The following RBPJ variants were observed in gnomAD, a reference collection of about 807,000 sequenced individuals.
RBPJ encodes the protein recombining binding protein suppressor of hairless.
A neutral mutation model predicts 67.8 loss-of-function variants in RBPJ; 9 were observed. The observed-to-expected ratio is 0.13, with a 90% confidence interval of 0.08 to 0.23. The LOEUF (loss-of-function observed/expected upper bound fraction) is 0.23. Ranked by LOEUF, RBPJ falls within the 10% of genes least tolerant of loss-of-function variation. The pLI, the probability that RBPJ is intolerant of heterozygous loss-of-function variation, is 1.00. For synonymous variants in RBPJ, 198 were observed against 203.3 expected (o/e 0.97, Z 0.22); for missense variants, 305 against 595.6 (o/e 0.51, Z 5.08).
chr4:26,247,422 T>C (rs1217830173), intron 1 of RBPJ, among the ~76,000 whole-genome samples: 1 of 151,928 alleles, frequency 6.6e-6, no homozygotes, highest in Non-Finnish European at 1.5e-5. Flanking sequence ...TTTTTTTGGG[T>C]GGAGGGGGAC....
chr4:26,352,957 T>C (rs1241755861), intron 1 of RBPJ, among the ~76,000 whole-genome samples: 3 of 152,220 alleles, frequency 2.0e-5, no homozygotes, highest in Non-Finnish European at 2.9e-5. Flanking sequence ...TTCCAGCTTC[T>C]TATGTACCGG....
chr4:26,215,298 AAGAG>A (rs1218028744), intron 1 of RBPJ, among the ~76,000 whole-genome samples: 5 of 123,228 alleles, frequency 4.1e-5, no homozygotes, highest in Admixed American at 1.6e-4. Flanking sequence ...GAAAGAGAAA[AAGAG>A]AGAGAAAAGA....
rs148552150 is a variant in RBPJ at position 26,204,509 on chromosome 4, G to A, written c.-167+40895G>A. On this transcript the variant is annotated intron_variant, in intron 1 of 4. Transcript: ENST00000512351. ...GCAGTTACACAATGTGCTTATGAGC[G>A]TGGGTGGCCCTTCTAGCCATCCGCT... 4.1e-4 allele frequency among the ~76,000 whole-genome samples: 62 copies of A among 152,320 alleles called. No individual in the cohort carries two copies. In the East Asian group the frequency reaches 9.5e-3, roughly 23 times the overall value.
At chr4:26,429,096 A>T (rs570084921) in intron 8 of RBPJ, among the ~76,000 whole-genome samples, 1 of 152,328 alleles carries the variant, frequency 6.6e-6, no homozygotes, top group South Asian at 2.1e-4. Context: ...GTTAACATCT[A>T]GTTCCAGGGT....
the RBPJ span, among the ~76,000 whole-genome samples, chr4:26,119,597 C>T: frequency 2.6e-5 from 4 of 152,208 alleles, no homozygotes; most frequent in Admixed American, 6.5e-5. Context: ...TCCTTTCTAT[C>T]CACATTCTAC....
rs71276617 is a variant in RBPJ at position 26,305,771 on chromosome 4, C to CTTTT, written c.-166-56655_-166-56652dup. Among the ~76,000 whole-genome samples the CTTTT allele has an allele frequency of 1.4e-3, 95 of 67,784 alleles. 1 individual carries two copies. Among genetic ancestry groups the CTTTT allele is most frequent in the East Asian group, 1.8e-3 (3 of 1,646 alleles). 44.5% of individuals were successfully genotyped at this position (67,784 alleles called of 152,430 possible). ...AGTGGAGTTCTTAGAATTTTCTTTT[C>CTTTT]TTTTTTTTTTTTTTTTTTTTTTTCT... On this transcript the variant is annotated intron_variant, in intron 1 of 4. Transcript: ENST00000512351.
chr4:26,334,035 T>C (rs1237810588), intron 1 of RBPJ, among the ~76,000 whole-genome samples: 1 of 151,702 alleles, frequency 6.6e-6, no homozygotes, highest in Non-Finnish European at 1.5e-5. Flanking sequence ...TAATCCAACT[T>C]TTCTGCCTTT....
chr4:26,327,319 G>A (rs1224322690), intron 1 of RBPJ, among the ~76,000 whole-genome samples: 1 of 152,172 alleles, frequency 6.6e-6, no homozygotes, highest in African/African-American at 2.4e-5. Context: ...GTGTAATTTT[G>A]TTGTGTTGAG....
At chr4:26,258,525 G>A (rs1352425353) in intron 1 of RBPJ, among the ~76,000 whole-genome samples, 1 of 152,048 alleles carries the variant, frequency 6.6e-6, no homozygotes, top group Non-Finnish European at 1.5e-5. Context: ...AACACCTCTG[G>A]GTTCATTAGC....
intron 1 of RBPJ, among the ~76,000 whole-genome samples, chr4:26,210,036 G>A (rs1718330284): frequency 6.6e-6 from 1 of 152,108 alleles, no homozygotes; most frequent in Admixed American, 6.6e-5. Flanking sequence ...AGGACCCACT[G>A]TAGAGTTTTA....
At chr4:26,140,094 A>G in the RBPJ span, among the ~76,000 whole-genome samples, 1 of 152,166 alleles carries the variant, frequency 6.6e-6, no homozygotes, top group Non-Finnish European at 1.5e-5. Flanking sequence ...AAAAAATTAG[A>G]GATAGTGGTG....
At chr4:26,397,281 G>A (rs1027252636) in intron 2 of RBPJ, among the ~76,000 whole-genome samples, 7 of 152,278 alleles carry the variant, frequency 4.6e-5, no homozygotes, top group Non-Finnish European at 5.9e-5. Context: ...GACAAAAATA[G>A]GGCAGTTCTT....
chr4:26,134,198 G>A, the RBPJ span, among the ~76,000 whole-genome samples: 6 of 152,214 alleles, frequency 3.9e-5, no homozygotes, highest in East Asian at 1.9e-4. Flanking sequence ...GGGTCTCAAC[G>A]TCATGGGATA....
intron 1 of RBPJ, among the ~76,000 whole-genome samples, chr4:26,343,436 A>T (rs1725754336): frequency 6.6e-6 from 1 of 152,246 alleles, no homozygotes. Flanking sequence ...CTGCCTAAAG[A>T]TATAAATATT....
rs868660728 is a variant in RBPJ, at chr4:26,376,229, A to G, written c.21-10124A>G. Among the ~76,000 whole-genome samples, 10 of 152,330 alleles carry G rather than the reference A, an allele frequency of 6.6e-5. No homozygotes were observed. In the South Asian group the frequency reaches 8.3e-4, roughly 13 times the overall value. On this transcript the variant is annotated intron_variant, in intron 1 of 10. Transcript: ENST00000355476. ...TTAACCATCACCACCATCCATCTCC[A>G]GAAATTTTCATCCTCCCAAACTGAA...
chr4:26,247,414 T>C (rs923081340), intron 1 of RBPJ, among the ~76,000 whole-genome samples: 50 of 152,300 alleles, frequency 3.3e-4, no homozygotes, highest in Non-Finnish European at 6.2e-4. Flanking sequence ...AATACTTTTT[T>C]TTTTGGGTGG....
chr4:26,382,262 T>C (rs957959720), intron 1 of RBPJ, among the ~76,000 whole-genome samples: 9 of 152,360 alleles, frequency 5.9e-5, no homozygotes, highest in East Asian at 3.9e-4. Context: ...TAATCAGTTA[T>C]TGATTTATAA....
chr4:26,352,147 T>C (rs973317216), intron 1 of RBPJ, among the ~76,000 whole-genome samples: 2 of 152,246 alleles, frequency 1.3e-5, no homozygotes, highest in African/African-American at 4.8e-5. Flanking sequence ...CTTACTGTCT[T>C]TGTCTTTTTG....
intron 1 of RBPJ, among the ~76,000 whole-genome samples, chr4:26,207,338 T>C (rs922001645): frequency 2.9e-5 from 3 of 104,686 alleles, no homozygotes; most frequent in African/African-American, 1.0e-4. Context: ...TTTGTGTGTG[T>C]GTGTGTTTCT....
Sources: gnomAD v4.1 joint callset for allele counts (sites outside exome capture counted in the v4.1 genomes callset) on GRCh38, gnomAD v4.1.1 for gene constraint, MANE v1.5 for transcripts, NCBI Gene and HGNC (gene_info 2026-07-23, HGNC 2026-07-21) for gene names.